Variants in HIGD1C observed in about 807,000 individuals in gnomAD.
The protein encoded by HIGD1C is HIG1 hypoxia inducible domain family member 1C.
HIGD1C carries 11 observed loss-of-function variants against 13.1 expected under a neutral mutation model. The observed-to-expected ratio is 0.84, with a 90% confidence interval of 0.53 to 1.39. HIGD1C has a LOEUF of 1.39. HIGD1C is among the 40% of genes most tolerant of loss of function. HIGD1C has a pLI of 0.00. For synonymous variants in HIGD1C, 36 were observed against 37.7 expected, an observed-to-expected ratio of 0.95 and a Z score of 0.17; for missense variants, 110 against 112.0, an observed-to-expected ratio of 0.98 and a Z score of 0.08.
the HIGD1C span, among the ~76,000 whole-genome samples, chr12:50,944,375 C>T: frequency 1.1e-4 from 17 of 152,170 alleles, no homozygotes; most frequent in South Asian, 2.1e-4. Flanking sequence ...AGGCCAGGCA[C>T]GGTGGTTCAC....
chr12:50,950,876 C>T (rs1329241603), upstream of HIGD1C, among the ~76,000 whole-genome samples: 1 of 151,858 alleles, frequency 6.6e-6, no homozygotes, highest in Non-Finnish European at 1.5e-5. Context: ...GATGAGGTTT[C>T]ACCATGTTAG....
intron 1 of HIGD1C, among the ~76,000 whole-genome samples, chr12:50,959,268 C>T (rs1235768893): frequency 1.1e-4 from 16 of 150,810 alleles, no homozygotes; most frequent in African/African-American, 2.9e-4. Context: ...TACAGGCATG[C>T]GCCACCACGC....
chr12:50,960,772 T>A (rs1021487299), intron 1 of HIGD1C, among the ~76,000 whole-genome samples, 196 bp from the exon 4 acceptor site: 1 of 152,052 alleles, frequency 6.6e-6, no homozygotes, highest in African/African-American at 2.4e-5. Flanking sequence ...AGCCCTGAAC[T>A]CCTAGGCTCA....
downstream of HIGD1C, among the ~76,000 whole-genome samples, chr12:50,970,957 C>G (rs1939740563): frequency 6.6e-6 from 1 of 152,104 alleles, no homozygotes; most frequent in Non-Finnish European, 1.5e-5. Flanking sequence ...CCGCTCACCG[C>G]AACCTCTGCC....
intron 2 of HIGD1C, among the ~76,000 whole-genome samples, chr12:50,964,385 T>A (rs1187918303): frequency 6.6e-6 from 1 of 152,258 alleles, no homozygotes; most frequent in East Asian, 1.9e-4. Context: ...CCTGGATTAT[T>A]AGGCATCCTG....
intron 2 of HIGD1C, among the ~76,000 whole-genome samples, chr12:50,963,369 CAAAAAAAAAAAA>C (rs35764288): frequency 1.4e-5 from 1 of 72,400 alleles, no homozygotes. Flanking sequence ...GACTCCATCT[CAAAAAAAAAAAA>C]AAAAAAAAAA....
chr12:50,940,995 C>A, the HIGD1C span, among the ~76,000 whole-genome samples: 1 of 151,878 alleles, frequency 6.6e-6, no homozygotes, highest in African/African-American at 2.4e-5. Flanking sequence ...CAGGCATGTG[C>A]CACCATGCCC....
upstream of HIGD1C, chr12:50,953,814 A>C (rs1431967763): frequency 2.3e-5 from 12 of 530,766 alleles, no homozygotes; most frequent in Non-Finnish European, 3.7e-5. Context: ...TTCCCCTGCA[A>C]AATGAAAAAA....
chr12:50,954,522 T>A (rs1194360462), intron 1 of HIGD1C, among the ~76,000 whole-genome samples: 1 of 152,202 alleles, frequency 6.6e-6, no homozygotes, highest in Non-Finnish European at 1.5e-5. Flanking sequence ...CATCTTCTGT[T>A]TATAGATTTT....
At chr12:50,970,081 T>C (rs1939706856) in intron 2 of HIGD1C, among the ~76,000 whole-genome samples, 1 of 152,150 alleles carries the variant, frequency 6.6e-6, no homozygotes, top group Non-Finnish European at 1.5e-5. Flanking sequence ...CACCATTTGT[T>C]TTCCTCGGGA....
In HIGD1C at chr12:50,954,051, G is replaced by A. The variant is rs531251342; in HGVS notation, c.53G>A (p.Arg18Gln). The A allele has an allele frequency of 2.3e-5, 37 of 1,613,226 alleles. No homozygotes were observed. Among genetic ancestry groups the A allele is most frequent in the South Asian group, 2.2e-4 (20 of 91,048 alleles). Reference sequence around the variant, plus strand: ...GATGAGGATGAAGGCCAATTATCCCGACTAATCAGGAAATCTAGAGACTCC... The same window carrying A: ...GATGAGGATGAAGGCCAATTATCCCAACTAATCAGGAAATCTAGAGACTCC... Residue 18 changes from arginine (R) to glutamine (Q), a missense_variant, in exon 1 of 3, where the codon CGA (arginine) becomes CAA (glutamine). Physicochemically the swap from Arg to Gln is conservative, Grantham distance 43 (BLOSUM62 1). Transcript: ENST00000398455.
chr12:50,969,935 A>C (rs1207962679), intron 2 of HIGD1C, among the ~76,000 whole-genome samples: 1 of 151,776 alleles, frequency 6.6e-6, no homozygotes, highest in Non-Finnish European at 1.5e-5. Context: ...TCTCTTCCTT[A>C]CCCTATTCCT....
chr12:50,938,842 G>T, the HIGD1C span, among the ~76,000 whole-genome samples: 1 of 152,216 alleles, frequency 6.6e-6, no homozygotes, highest in South Asian at 2.1e-4. Context: ...TGACAGGAAA[G>T]TAGGGAAGAC....
chr12:50,958,375 G>C (rs964354698), intron 1 of HIGD1C, among the ~76,000 whole-genome samples: 1 of 149,198 alleles, frequency 6.7e-6, no homozygotes, highest in African/African-American at 2.5e-5. Context: ...TCTGCCTCCC[G>C]GGTTCACACC....
chr12:50,937,595 T>A, the HIGD1C span, among the ~76,000 whole-genome samples: 1 of 152,086 alleles, frequency 6.6e-6, no homozygotes, highest in African/African-American at 2.4e-5. Flanking sequence ...GCTCTTTCAG[T>A]CCCACCATTC....
At chr12:50,940,132 A>G in the HIGD1C span, 50 of 152,328 alleles carry the variant, frequency 3.3e-4, no homozygotes, top group African/African-American at 1.1e-3. Context: ...TGTACCTAAC[A>G]AAAAGTTCAG....
At chr12:50,937,782 C>T in the HIGD1C span, among the ~76,000 whole-genome samples, 70 of 152,078 alleles carry the variant, frequency 4.6e-4, no homozygotes, top group Non-Finnish European at 8.5e-4. Flanking sequence ...AGCATGCAGC[C>T]CTCAGCAGAG....
At chr12:50,954,508 C>A (rs574749385) in intron 1 of HIGD1C, among the ~76,000 whole-genome samples, 4 of 152,282 alleles carry the variant, frequency 2.6e-5, no homozygotes, top group African/African-American at 9.6e-5. Flanking sequence ...ACTTTAAGTT[C>A]TTACATCTTC....
intron 2 of HIGD1C, among the ~76,000 whole-genome samples, chr12:50,968,300 C>T (rs1185663160): frequency 6.6e-6 from 1 of 152,170 alleles, no homozygotes; most frequent in East Asian, 1.9e-4. Flanking sequence ...CAAGGATGAA[C>T]TAGAACCCAA....
Sources: allele counts gnomAD v4.1 joint callset (sites outside exome capture counted in the v4.1 genomes callset), GRCh38; gene constraint gnomAD v4.1.1; transcripts MANE v1.5; gene names NCBI Gene and HGNC (gene_info 2026-07-23, HGNC 2026-07-21).